Variants in NUPR1 observed in about 807,000 individuals in gnomAD.
NUPR1 encodes the protein nuclear protein 1.
A neutral mutation model predicts 7.3 loss-of-function variants in NUPR1; 8 were observed. That is an observed-to-expected ratio of 1.09 (90% confidence interval 0.64 to 1.97). NUPR1 has a LOEUF of 1.97. Ranked by LOEUF, NUPR1 falls within the 30% of genes most tolerant of loss-of-function variation. The pLI is 0.00. For missense variants in NUPR1, 96 were observed against 111.7 expected, an observed-to-expected ratio of 0.86 and a Z score of 0.63; for synonymous variants, 39 against 44.5, an observed-to-expected ratio of 0.88 and a Z score of 0.49.
In NUPR1 at chr16:28,535,251, T is replaced by C. The variant is rs1164267555; in HGVS notation, c.*2432A>G. The C allele has an allele frequency of 6.6e-6, 1 of 152,124 alleles. No homozygotes were observed. Among genetic ancestry groups the C allele is most frequent in the Non-Finnish European group, 1.5e-5 (1 of 68,016 alleles). 9.4% of individuals were successfully genotyped at this position (152,124 alleles called of 1,614,324 possible). ...AATCCCTTAATATTTCCTTCCCTCC[T>C]TTCCTCCTTCCCTCCTTCCCTCCCT... On this transcript the variant is annotated 3_prime_UTR_variant, in exon 3 of 3. Coordinates refer to ENST00000324873, the MANE Select transcript of NUPR1 (RefSeq NM_012385.3).
At position 28,536,821 on chromosome 16, in the gene NUPR1, C is replaced by CT. The variant is rs1191699575; in HGVS notation, c.*861dup. On this transcript the variant is annotated 3_prime_UTR_variant, in exon 3 of 3. Coordinates refer to ENST00000324873, the MANE Select transcript of NUPR1 (RefSeq NM_012385.3). ...GGGATTACAGGCACCTGCCACCATGCTTGGCTAATTTTTGGTATTTTTAGT... is the reference window on the plus strand; with the variant it reads ...GGGATTACAGGCACCTGCCACCATGCTTTGGCTAATTTTTGGTATTTTTAGT... The CT allele has an allele frequency of 6.6e-6, 1 of 152,100 alleles. No homozygotes were observed. Among genetic ancestry groups the CT allele is most frequent in the Non-Finnish European group, 1.5e-5 (1 of 68,070 alleles). 9.4% of individuals were successfully genotyped at this position (152,100 alleles called of 1,614,324 possible).
chr16:28,535,148 GC>G lies in NUPR1; in HGVS notation c.*2534del. 6.6e-6 allele frequency: 1 copy of G among 152,240 alleles called. No individual in the cohort carries two copies. Among genetic ancestry groups the G allele is most frequent in the Non-Finnish European group, 1.5e-5 (1 of 68,022 alleles). The allele number at this position is 152,240 out of a possible 1,614,324, so 9.4% of individuals were successfully genotyped here. A position where few individuals can be genotyped will look rare whatever the true frequency, so the allele number is the denominator to read the frequency against. On this transcript the variant is annotated 3_prime_UTR_variant, in exon 3 of 3. Coordinates refer to ENST00000324873, the MANE Select transcript of NUPR1 (RefSeq NM_012385.3). ...TCACTTCCCAGAACCCTGTCCCACAGCCCCCTTGGCCTGGGGACCCACCTCA... is the reference window on the plus strand; with the variant it reads ...TCACTTCCCAGAACCCTGTCCCACAGCCCCTTGGCCTGGGGACCCACCTCA...
rs1168985095 is a variant in NUPR1, at chr16:28,533,800, G to C, written c.*3883C>G. On this transcript the variant is annotated 3_prime_UTR_variant, in exon 3 of 3. Coordinates refer to ENST00000324873, the MANE Select transcript of NUPR1 (RefSeq NM_012385.3). ...TATTTAAGGGCAGGTATGAGAGACA[G>C]ATTTCAGCCCACATGAACAGACTTG... The C allele has an allele frequency of 2.0e-5, 3 of 152,350 alleles. No individual in the cohort carries two copies. The highest frequency in any genetic ancestry group is 7.2e-5 in the African/African-American group (3 of 41,468). The allele number at this position is 152,350 out of a possible 1,614,324, so 9.4% of individuals were successfully genotyped here. A position where few individuals can be genotyped will look rare whatever the true frequency, so the allele number is the denominator to read the frequency against.
rs1342051888 is a variant in NUPR1 at position 28,536,451 on chromosome 16, A to T, written c.*1232T>A. On this transcript the variant is annotated 3_prime_UTR_variant, in exon 3 of 3. Transcript: ENST00000324873. ...GGCACGAGAATTGCTTGAACCCGGG[A>T]GGCAGAGGTTGCAGTGAGCCAAGAT... 2 of 151,948 alleles carry T rather than the reference A, an allele frequency of 1.3e-5. No individual in the cohort carries two copies. Among genetic ancestry groups the T allele is most frequent in the African/African-American group, 2.4e-5 (1 of 41,354 alleles). 9.4% of individuals were successfully genotyped at this position (151,948 alleles called of 1,614,324 possible). A position where few individuals can be genotyped will look rare whatever the true frequency, so the allele number is the denominator to read the frequency against.
In NUPR1 at chr16:28,535,599, T is replaced by TCTTTC. The variant is rs1567277662; in HGVS notation, c.*2079_*2083dup. The TCTTTC allele has an allele frequency of 2.1e-5, 1 of 47,288 alleles. No individual in the cohort carries two copies. Among genetic ancestry groups the TCTTTC allele is most frequent in the Non-Finnish European group, 3.5e-5 (1 of 28,308 alleles). 2.9% of individuals were successfully genotyped at this position (47,288 alleles called of 1,614,324 possible). ...TTCTTTCTTTCTTTCTTTCTTTCTT[T>TCTTTC]CTTTCTTTCTTTCTTTCTTTCTTCT... On this transcript the variant is annotated 3_prime_UTR_variant, in exon 3 of 3. Coordinates refer to ENST00000324873, the MANE Select transcript of NUPR1 (RefSeq NM_012385.3).
intron 1 of NUPR1, 66 bp downstream of exon 1, chr16:28,538,730 C>G: frequency 8.3e-7 from 1 of 1,206,978 alleles, no homozygotes; most frequent in Non-Finnish European, 1.2e-6. Context: ...TGAGAGGAAA[C>G]AAGAGGGGTG....
At chr16:28,537,816 A>T in intron 2 of NUPR1, 147 bp from the exon 3 acceptor site, 1 of 557,216 alleles carries the variant, frequency 1.8e-6, no homozygotes, top group Non-Finnish European at 3.2e-6. Flanking sequence ...TTTCCCTTCA[A>T]TTGGAAAGGT....
rs933448685 is a variant in NUPR1, at chr16:28,534,689, G to A, written c.*2994C>T. ...TTCCCAACCTCTCTCGTAGTTGGGT[G>A]TGGCCATGTAGCCACATTCGGAGCA... On this transcript the variant is annotated 3_prime_UTR_variant, in exon 3 of 3. Coordinates refer to ENST00000324873, the MANE Select transcript of NUPR1 (RefSeq NM_012385.3). 9 of 152,200 alleles carry A rather than the reference G, an allele frequency of 5.9e-5. No homozygotes were observed. The highest frequency in any genetic ancestry group is 1.9e-4 in the African/African-American group (8 of 41,446). The allele number at this position is 152,200 out of a possible 1,614,324, so 9.4% of individuals were successfully genotyped here.
rs1567277445 is a variant in NUPR1, at chr16:28,535,564, C to CTTCCTTCTTTCTTTCTTTCCTTCCTTTCT, written c.*2118_*2119insAGAAAGGAAGGAAAGAAAGAAAGAAGGAA. The CTTCCTTCTTTCTTTCTTTCCTTCCTTTCT allele has an allele frequency of 3.5e-5, 2 of 57,738 alleles. 1 individual carries two copies. The highest frequency in any genetic ancestry group is 1.2e-3 in the East Asian group (2 of 1,646). 3.6% of individuals were successfully genotyped at this position (57,738 alleles called of 1,614,324 possible). On this transcript the variant is annotated 3_prime_UTR_variant, in exon 3 of 3. Coordinates refer to ENST00000324873, the MANE Select transcript of NUPR1 (RefSeq NM_012385.3). ...CTTTCCTTCTTTCTTTCTTTCTTTC[C>CTTCCTTCTTTCTTTCTTTCCTTCCTTTCT]TTCCTTCCTTTCTTTCTTTCTTTCT...
Position 28,535,539 on chromosome 16 carries a change from C to CTT in NUPR1, c.*2142_*2143dup, listed in dbSNP as rs1419825753. 3.2e-4 allele frequency: 23 copies of CTT among 72,316 alleles called. No homozygotes were observed. The highest frequency in any genetic ancestry group is 1.0e-3 in the African/African-American group (23 of 21,928). 4.5% of individuals were successfully genotyped at this position (72,316 alleles called of 1,614,324 possible). A position where few individuals can be genotyped will look rare whatever the true frequency, so the allele number is the denominator to read the frequency against. ...TCTTTCTTTCTTTCTTTCTTTCTTT[C>CTT]TTTCCTTCTTTCTTTCTTTCTTTCC... On this transcript the variant is annotated 3_prime_UTR_variant, in exon 3 of 3. Transcript: ENST00000324873.
Position 28,535,623 on chromosome 16 carries a change from C to CTTTCTTTCTTTCTTTCTTTCT in NUPR1, c.*2059_*2060insAGAAAGAAAGAAAGAAAGAAA, listed in dbSNP as rs58048043. 2.4e-4 allele frequency: 22 copies of CTTTCTTTCTTTCTTTCTTTCT among 90,764 alleles called. No individual in the cohort carries two copies. The highest frequency in any genetic ancestry group is 5.8e-4 in the East Asian group (1 of 1,712). 5.6% of individuals were successfully genotyped at this position (90,764 alleles called of 1,614,324 possible). On this transcript the variant is annotated 3_prime_UTR_variant, in exon 3 of 3. Transcript: ENST00000324873. Reference sequence around the variant, plus strand: ...TTCTTTCTTTCTTTCTTTCTTTCTTCTCTTTCTCTCTCTTTCTTCTTTTTC... The same window carrying CTTTCTTTCTTTCTTTCTTTCT: ...TTCTTTCTTTCTTTCTTTCTTTCTTCTTTCTTTCTTTCTTTCTTTCTTCTTTCTCTCTCTTTCTTCTTTTTC...
rs935968609 is a variant in NUPR1, at chr16:28,536,544, G to C, written c.*1139C>G. ...TCTCAAAAAAAAAATTGTAGAGATG[G>C]GGTCTTACTATGATGCTCAGGCTGG... On this transcript the variant is annotated 3_prime_UTR_variant, in exon 3 of 3. Coordinates refer to ENST00000324873, the MANE Select transcript of NUPR1 (RefSeq NM_012385.3). 2.2e-4 allele frequency: 33 copies of C among 152,300 alleles called. No individual in the cohort carries two copies. Among genetic ancestry groups the C allele is most frequent in the African/African-American group, 8.0e-4 (33 of 41,408 alleles). 9.4% of individuals were successfully genotyped at this position (152,300 alleles called of 1,614,324 possible). A position where few individuals can be genotyped will look rare whatever the true frequency, so the allele number is the denominator to read the frequency against.
chr16:28,538,873 TG>T lies in NUPR1; in HGVS notation c.34del (p.Gln12SerfsTer56). ...ATFPPATSAP[Q>X]QPPGPEDEDS... The stretch of plus-strand genomic sequence containing the variant: ...CTCGTCCTCCGGGCCTGGGGGCTGC[TG>T]GGGGGCGCTGGTTGCTGGTGGGAAG... On this transcript the variant is annotated frameshift_variant, in exon 1 of 3. Transcript: ENST00000324873. LOFTEE classifies it high-confidence loss of function. 1.2e-6 allele frequency: 2 copies of T among 1,613,214 alleles called. No homozygotes were observed. The highest frequency in any genetic ancestry group is 1.7e-6 in the Non-Finnish European group (2 of 1,179,784).
At position 28,535,668 on chromosome 16, in the gene NUPR1, TTC is replaced by T. The variant is rs2046617354; in HGVS notation, c.*2013_*2014del. On this transcript the variant is annotated 3_prime_UTR_variant, in exon 3 of 3. Transcript: ENST00000324873. ...TTTTTCTCTCCTTTCTCTCTTTCTT[TTC>T]TTTCTTCCTTCCTTTCTTTTCCTTC... is the stretch of plus-strand genomic sequence containing the variant. The T allele has an allele frequency of 1.3e-5, 2 of 150,118 alleles. No individual in the cohort carries two copies. Among genetic ancestry groups the T allele is most frequent in the Non-Finnish European group, 3.0e-5 (2 of 67,740 alleles). 9.3% of individuals were successfully genotyped at this position (150,118 alleles called of 1,614,324 possible).
At chr16:28,538,407 G>A (rs1053595883) in intron 1 of NUPR1, 13 of 603,360 alleles carry the variant, frequency 2.2e-5, no homozygotes, top group Non-Finnish European at 2.9e-5. Flanking sequence ...AAGGGTGAGT[G>A]GGCTGGGCAG....
At position 28,535,567 on chromosome 16, in the gene NUPR1, C is replaced by CTTTCTTTCTTTCTTTCTTT. The variant is rs1359794297; in HGVS notation, c.*2115_*2116insAAAGAAAGAAAGAAAGAAA. On this transcript the variant is annotated 3_prime_UTR_variant, in exon 3 of 3. Transcript: ENST00000324873. ...TCCTTCTTTCTTTCTTTCTTTCCTTCCTTCCTTTCTTTCTTTCTTTCTTTC... is the reference window on the plus strand; with the variant it reads ...TCCTTCTTTCTTTCTTTCTTTCCTTCTTTCTTTCTTTCTTTCTTTCTTCCTTTCTTTCTTTCTTTCTTTC... 222 of 67,412 alleles carry CTTTCTTTCTTTCTTTCTTT rather than the reference C, an allele frequency of 3.3e-3. 7 individuals are homozygous for CTTTCTTTCTTTCTTTCTTT. The highest frequency in any genetic ancestry group is 1.0e-2 in the South Asian group (15 of 1,506). The allele number at this position is 67,412 out of a possible 1,614,324, so 4.2% of individuals were successfully genotyped here.
Position 28,535,610 on chromosome 16 carries a change from TTC to T in NUPR1, c.*2071_*2072del, listed in dbSNP as rs1491342103. On this transcript the variant is annotated 3_prime_UTR_variant, in exon 3 of 3. Transcript: ENST00000324873. ...TTTCTTTCTTTCTTTCTTTCTTTCT[TTC>T]TTTCTTTCTTCTCTTTCTCTCTCTT... The T allele has an allele frequency of 2.5e-4, 2 of 7,876 alleles. No homozygotes were observed. The highest frequency in any genetic ancestry group is 2.4e-3 in the Non-Finnish European group (2 of 820). 0.5% of individuals were successfully genotyped at this position (7,876 alleles called of 1,614,324 possible).
rs1491299508 is a variant in NUPR1, at chr16:28,535,587, T to TCCTTCCTTCCTTC, written c.*2095_*2096insGAAGGAAGGAAGG. ...TCCTTCCTTCCTTTCTTTCTTTCTT[T>TCCTTCCTTCCTTC]CTTTCTTTCTTTCTTTCTTTCTTTC... On this transcript the variant is annotated 3_prime_UTR_variant, in exon 3 of 3. Transcript: ENST00000324873. 2.2e-5 allele frequency: 1 copy of TCCTTCCTTCCTTC among 44,558 alleles called. No homozygotes were observed. The highest frequency in any genetic ancestry group is 1.2e-4 in the African/African-American group (1 of 8,298). The allele number at this position is 44,558 out of a possible 1,614,324, so 2.8% of individuals were successfully genotyped here. A position where few individuals can be genotyped will look rare whatever the true frequency, so the allele number is the denominator to read the frequency against.
rs2046600249 is a variant in NUPR1, at chr16:28,534,728, C to G, written c.*2955G>C. The G allele has an allele frequency of 6.6e-6, 1 of 152,164 alleles. No individual in the cohort carries two copies. Among genetic ancestry groups the G allele is most frequent in the South Asian group, 2.1e-4 (1 of 4,834 alleles). The allele number at this position is 152,164 out of a possible 1,614,324, so 9.4% of individuals were successfully genotyped here. A position where few individuals can be genotyped will look rare whatever the true frequency, so the allele number is the denominator to read the frequency against. Reference sequence around the variant, plus strand: ...ACATTCGGAGCAGATGTGATGTGTTCTACTTTTAGATTATGCCCTAAAATT... The same window carrying G: ...ACATTCGGAGCAGATGTGATGTGTTGTACTTTTAGATTATGCCCTAAAATT... On this transcript the variant is annotated 3_prime_UTR_variant, in exon 3 of 3. Transcript: ENST00000324873.
Sources: gnomAD v4.1 joint callset for allele counts on GRCh38, gnomAD v4.1.1 for gene constraint, MANE v1.5 for transcripts, NCBI Gene and HGNC (gene_info 2026-07-23, HGNC 2026-07-21) for gene names.